The following GRM3 variants were observed in gnomAD, a reference collection of about 807,000 sequenced individuals.
GRM3 encodes the protein metabotropic glutamate receptor 3.
GRM3 carries 26 observed loss-of-function variants against 70.5 expected under a neutral mutation model. That is an observed-to-expected ratio of 0.37 (90% CI 0.27 to 0.51). The LOEUF (loss-of-function observed/expected upper bound fraction) is 0.51, where lower values mean the gene tolerates loss of function less well. Among genes scored for constraint, GRM3 ranks in the 20% least tolerant of loss-of-function variants. The pLI is 0.93. For synonymous variants in GRM3, 443 were observed against 434.9 expected, an observed-to-expected ratio of 1.02 and a Z score of -0.23; for missense variants, 859 against 1,123.8, an observed-to-expected ratio of 0.76 and a Z score of 3.37.
At chr7:86,777,694 A>T (rs1490236063) in intron 2 of GRM3, among the ~76,000 whole-genome samples, 1 of 152,220 alleles carries the variant, frequency 6.6e-6, no homozygotes, top group Non-Finnish European at 1.5e-5. Context: ...AAACAAAAAA[A>T]GTTACTAATC....
intron 1 of GRM3, among the ~76,000 whole-genome samples, chr7:86,673,605 C>T (rs1323680292): frequency 6.6e-6 from 1 of 152,092 alleles, no homozygotes; most frequent in Non-Finnish European, 1.5e-5. Flanking sequence ...CCCTAAATGA[C>T]ATATATGTTT....
intron 3 of GRM3, among the ~76,000 whole-genome samples, chr7:86,795,187 A>G (rs976291993): frequency 6.6e-6 from 1 of 151,968 alleles, no homozygotes; most frequent in African/African-American, 2.4e-5. Context: ...TTACTTTTAG[A>G]GTGGGGTTAA....
At chr7:86,655,042 T>C (rs959918307) in intron 1 of GRM3, among the ~76,000 whole-genome samples, 4 of 152,220 alleles carry the variant, frequency 2.6e-5, no homozygotes, top group African/African-American at 9.6e-5. Flanking sequence ...GCATTAAATA[T>C]AAATATCACT....
chr7:86,823,591 T>G (rs1264206636), intron 3 of GRM3, among the ~76,000 whole-genome samples: 1 of 135,752 alleles, frequency 7.4e-6, no homozygotes, highest in Non-Finnish European at 1.6e-5. Flanking sequence ...TATTTTTTTT[T>G]TTTTTTTTTT....
chr7:86,644,365 G>T lies in GRM3; in HGVS notation c.-648G>T, dbSNP rs116367164. Reference sequence around the variant, plus strand: ...GAATGAAAAGGAGAGGATGCCAGGAGGTCCGTGCTTCTGCCAAGAGTCCCA... The same window carrying T: ...GAATGAAAAGGAGAGGATGCCAGGATGTCCGTGCTTCTGCCAAGAGTCCCA... On this transcript the variant is annotated 5_prime_UTR_variant, in exon 1 of 6. The change creates a new upstream start codon in the 5' untranslated region. Transcript: ENST00000361669. 7.3e-3 allele frequency: 2,176 copies of T among 296,336 alleles called. 62 individuals are homozygous for T. The highest frequency in any genetic ancestry group is 0.046 in the African/African-American group (2,036 of 44,400). 18.4% of individuals were successfully genotyped at this position (296,336 alleles called of 1,614,324 possible). A position where few individuals can be genotyped will look rare whatever the true frequency, so the allele number is the denominator to read the frequency against.
At position 86,783,532 on chromosome 7, in the gene GRM3, TATGTAC is replaced by T. The variant is rs537013119; in HGVS notation, c.469-2726_469-2721del. Among the ~76,000 whole-genome samples the T allele has an allele frequency of 2.6e-5, 4 of 152,214 alleles. No individual in the cohort carries two copies. In the South Asian group the frequency reaches 8.3e-4, roughly 32 times the overall value. On this transcript the variant is annotated intron_variant, in intron 2 of 5. Transcript: ENST00000361669. Reference sequence around the variant, plus strand: ...ATATGTTTGTGTGTGTGTGTGTGTGTATGTACATACCCAGTACATTGGTACTTGGTT... The same window carrying T: ...ATATGTTTGTGTGTGTGTGTGTGTGTATACCCAGTACATTGGTACTTGGTT...
At chr7:86,857,309 T>C (rs1339426651) in intron 5 of GRM3, among the ~76,000 whole-genome samples, 1 of 151,924 alleles carries the variant, frequency 6.6e-6, no homozygotes. Context: ...TAGAGGAAGA[T>C]GAATAAAAGT....
intron 1 of GRM3, among the ~76,000 whole-genome samples, chr7:86,716,683 C>CA (rs55934116): frequency 0.12 from 17,188 of 139,262 alleles, 1,003 homozygotes; most frequent in Middle Eastern, 0.2. Context: ...CAGTTATATG[C>CA]AAAAAAAAAA....
chr7:86,786,929 C>G lies in GRM3; in HGVS notation c.1137C>G (p.Ile379Met), dbSNP rs759058026. ...HRRVCDKHLA[I>M]DSSNYEQESK... ...GCGTCTGCGACAAGCACCTGGCCAT[C>G]GACAGCAGCAACTACGAGCAAGAGT... Residue 379 changes from isoleucine to methionine, a missense_variant, in exon 3 of 6, where the codon ATC becomes ATG. Coordinates refer to ENST00000361669, the MANE Select transcript of GRM3 (RefSeq NM_000840.3). The surrounding 1 kb of genome is among the most constrained non-coding windows in gnomAD (Gnocchi z 6.0). 18 of 1,614,078 alleles carry G rather than the reference C, an allele frequency of 1.1e-5. No individual in the cohort carries two copies. The highest frequency in any genetic ancestry group is 1.4e-5 in the Non-Finnish European group (17 of 1,179,910).
intron 2 of GRM3, among the ~76,000 whole-genome samples, chr7:86,772,137 A>G (rs770734882): frequency 6.6e-6 from 1 of 152,062 alleles, no homozygotes; most frequent in South Asian, 2.1e-4. Flanking sequence ...TTTTGTCTTT[A>G]TATTATATTA....
At chr7:86,810,861 C>T (rs762619694) in intron 3 of GRM3, among the ~76,000 whole-genome samples, 4 of 151,970 alleles carry the variant, frequency 2.6e-5, no homozygotes, top group Non-Finnish European at 4.4e-5. Flanking sequence ...TATCTACATA[C>T]ACACATTGCA....
chr7:86,797,525 G>C (rs1256987766), intron 3 of GRM3, among the ~76,000 whole-genome samples: 2 of 152,150 alleles, frequency 1.3e-5, no homozygotes, highest in East Asian at 3.9e-4. Context: ...CTTGGGTGCT[G>C]TTAAAGGCAT....
intron 1 of GRM3, among the ~76,000 whole-genome samples, chr7:86,724,250 C>T (rs1385619630): frequency 1.3e-5 from 2 of 152,100 alleles, no homozygotes; most frequent in Non-Finnish European, 1.5e-5. Context: ...GTTGCTGATT[C>T]CCTTTACAAA....
chr7:86,839,231 G>A lies in GRM3; in HGVS notation c.1717G>A (p.Glu573Lys). Residue 573 changes from glutamate (E) to lysine (K), a missense_variant, in exon 4 of 6, where the codon GAA becomes AAA. Coordinates refer to ENST00000361669, the MANE Select transcript of GRM3 (RefSeq NM_000840.3). This position sits in a 1 kb window ranked among gnomAD's most constrained non-coding sequence, Gnocchi z 4.5. ...YDLPEDYIRW[E>K]DAWAIGPVTI... ...CCTTCCTGAGGACTACATCAGGTGGGAAGACGCCTGGGCCATTGGCCCAGT... is the reference window on the plus strand; with the variant it reads ...CCTTCCTGAGGACTACATCAGGTGGAAAGACGCCTGGGCCATTGGCCCAGT... 6.2e-7 allele frequency: 1 copy of A among 1,613,928 alleles called. No individual in the cohort carries two copies. The highest frequency in any genetic ancestry group is 8.5e-7 in the Non-Finnish European group (1 of 1,179,782).
rs142035584 is a variant in GRM3, at chr7:86,663,720, A to G, written c.-141+18848A>G. Among the ~76,000 whole-genome samples, 298 of 152,156 alleles carry G rather than the reference A, an allele frequency of 2.0e-3. 2 individuals carry two copies. The highest frequency in any genetic ancestry group is 6.7e-3 in the African/African-American group (280 of 41,538). On this transcript the variant is annotated intron_variant, in intron 1 of 5. Transcript: ENST00000361669. ...GTTTGTAAGATTTTAGGCTCAGAGC[A>G]ATGGTAAGCCATTTAAGCCCCTGCC...
intron 1 of GRM3, among the ~76,000 whole-genome samples, chr7:86,712,696 A>C (rs1034623924): frequency 6.6e-6 from 1 of 151,918 alleles, no homozygotes; most frequent in Admixed American, 6.6e-5. Flanking sequence ...CAGGAGATCC[A>C]CTTTCTAGCT....
At chr7:86,707,856 G>C (rs183366153) in intron 1 of GRM3, among the ~76,000 whole-genome samples, 9 of 152,070 alleles carry the variant, frequency 5.9e-5, no homozygotes, top group Non-Finnish European at 1.3e-4. Flanking sequence ...TTTAACAAAC[G>C]ATTATATAAT....
intron 2 of GRM3, among the ~76,000 whole-genome samples, chr7:86,781,937 A>G (rs1467822213): frequency 1.3e-5 from 2 of 152,094 alleles, no homozygotes; most frequent in Non-Finnish European, 2.9e-5. Flanking sequence ...CAATGTCACC[A>G]ATAACTTATT....
chr7:86,803,197 T>G (rs900916897), intron 3 of GRM3, among the ~76,000 whole-genome samples: 9 of 152,204 alleles, frequency 5.9e-5, no homozygotes, highest in Non-Finnish European at 1.0e-4. Flanking sequence ...CTATTCACTA[T>G]GTGTAATCTT....
Sources: gnomAD v4.1 joint callset for allele counts (sites outside exome capture counted in the v4.1 genomes callset) on GRCh38, gnomAD v4.1.1 for gene constraint, Gnocchi (gnomAD v3.1) non-coding constraint, MANE v1.5 for transcripts, NCBI Gene and HGNC (gene_info 2026-07-23, HGNC 2026-07-21) for gene names.